The following ATP6V1A variants were observed in gnomAD, a reference collection of about 807,000 sequenced individuals.
The protein encoded by ATP6V1A is V-type proton ATPase catalytic subunit A.
Under a neutral mutation model 70.1 loss-of-function variants are expected in ATP6V1A, and 18 were observed. That is an observed-to-expected ratio of 0.26 (90% CI 0.18 to 0.38). The LOEUF is 0.38. Ranked by LOEUF, ATP6V1A falls within the 10% of genes least tolerant of loss-of-function variation. ATP6V1A has a pLI of 1.00. For synonymous variants in ATP6V1A, 232 were observed against 253.8 expected, an observed-to-expected ratio of 0.91 and a Z score of 0.82; for missense variants, 424 against 772.4, an observed-to-expected ratio of 0.55 and a Z score of 5.35.
At position 113,781,102 on chromosome 3, in the gene ATP6V1A, G is replaced by C. The variant is rs1708971917; in HGVS notation, c.135G>C (p.Val45=). Reference sequence around the variant, plus strand: ...CAGCCATGTATGAGCTGGTGAGAGTGGGCCACAGCGAATTGGTTGGAGAGA... The same window carrying C: ...CAGCCATGTATGAGCTGGTGAGAGTCGGCCACAGCGAATTGGTTGGAGAGA... The part of the protein sequence containing the change: ...AGAAMYELVR[V]GHSELVGEII... Residue 45 remains valine, a synonymous_variant, in exon 3 of 15, where the codon GTG becomes GTC. Coordinates refer to ENST00000273398, the MANE Select transcript of ATP6V1A (RefSeq NM_001690.4). The C allele has an allele frequency of 1.1e-5, 18 of 1,613,630 alleles. No individual in the cohort carries two copies. Among genetic ancestry groups the C allele is most frequent in the Non-Finnish European group, 1.4e-5 (17 of 1,179,732 alleles).
At chr3:113,766,741 A>G (rs1171234005) in intron 1 of ATP6V1A, among the ~76,000 whole-genome samples, 23 of 152,230 alleles carry the variant, frequency 1.5e-4, no homozygotes, top group Non-Finnish European at 4.4e-5. Context: ...CATTTAGTCC[A>G]TGACACATGG....
At chr3:113,799,801 C>G (rs1268039889) in intron 12 of ATP6V1A, among the ~76,000 whole-genome samples, 3 of 152,046 alleles carry the variant, frequency 2.0e-5, no homozygotes, top group Non-Finnish European at 1.5e-5. Flanking sequence ...TCAATAGCAA[C>G]AAAAACTAGA....
chr3:113,767,854 T>C (rs1468897712), intron 1 of ATP6V1A, among the ~76,000 whole-genome samples: 4 of 152,192 alleles, frequency 2.6e-5, no homozygotes, highest in Admixed American at 2.0e-4. Flanking sequence ...GGTTTCACCA[T>C]CTTGGCCAGG....
At chr3:113,748,245 C>G (rs1280793582) in intron 1 of ATP6V1A, among the ~76,000 whole-genome samples, 2 of 152,240 alleles carry the variant, frequency 1.3e-5, no homozygotes, top group East Asian at 1.9e-4. Flanking sequence ...CCAAGTACTC[C>G]CATTCCGTCC....
intron 1 of ATP6V1A, among the ~76,000 whole-genome samples, chr3:113,752,457 A>G (rs1312900647): frequency 6.6e-6 from 1 of 151,970 alleles, no homozygotes; most frequent in Non-Finnish European, 1.5e-5. Context: ...ATTTATTACT[A>G]TACCTTCTGT....
intron 1 of ATP6V1A, among the ~76,000 whole-genome samples, chr3:113,750,601 C>G (rs1050075875): frequency 2.0e-5 from 3 of 152,184 alleles, no homozygotes; most frequent in African/African-American, 7.2e-5. Flanking sequence ...AGTTCTGGCC[C>G]TACCACTTAA....
At chr3:113,762,967 C>A (rs182806344) in intron 1 of ATP6V1A, among the ~76,000 whole-genome samples, 3 of 152,262 alleles carry the variant, frequency 2.0e-5, no homozygotes, top group Admixed American at 2.0e-4. Flanking sequence ...GGCGTGGTTG[C>A]ATATTACCAA....
At position 113,803,526 on chromosome 3, in the gene ATP6V1A, C is replaced by T. The variant is rs1031444882; in HGVS notation, c.1495-57C>T. 5 of 1,267,706 alleles carry T rather than the reference C, an allele frequency of 3.9e-6. No homozygotes were observed. The African/African-American group carries it at 7.5e-5, about 19-fold the overall frequency. 78.5% of individuals were successfully genotyped at this position (1,267,706 alleles called of 1,614,324 possible). On this transcript the variant is annotated intron_variant, in intron 12 of 14. Coordinates refer to ENST00000273398, the MANE Select transcript of ATP6V1A (RefSeq NM_001690.4). The stretch of plus-strand genomic sequence containing the variant: ...ATAGTTTCTGCTTGTTAATTAATTG[C>T]CACCATCAATCTTACATTTTAGAGT...
At chr3:113,770,678 TA>T (rs892159433) in intron 1 of ATP6V1A, among the ~76,000 whole-genome samples, 2 of 147,494 alleles carry the variant, frequency 1.4e-5, no homozygotes, top group African/African-American at 2.5e-5. Flanking sequence ...GACTCTGTCT[TA>T]AAAAAAAAGA....
chr3:113,786,408 T>C, intron 6 of ATP6V1A, 25 bp downstream of exon 6: 4 of 1,611,074 alleles, frequency 2.5e-6, no homozygotes, highest in Non-Finnish European at 3.4e-6. Flanking sequence ...TGTCCCACGA[T>C]TTTCCCTCAG....
chr3:113,781,007 A>G (rs780412537), intron 2 of ATP6V1A, 43 bp from the exon 3 acceptor site: 1 of 1,560,178 alleles, frequency 6.4e-7, no homozygotes, highest in African/African-American at 1.4e-5. Flanking sequence ...TTCACAGAGC[A>G]CTAGAGTCTT....
chr3:113,796,858 C>A (rs930489424), intron 11 of ATP6V1A, among the ~76,000 whole-genome samples: 5 of 152,198 alleles, frequency 3.3e-5, no homozygotes, highest in Non-Finnish European at 7.3e-5. Context: ...TTTGCCCTTA[C>A]AAAAATCACT....
intron 1 of ATP6V1A, among the ~76,000 whole-genome samples, chr3:113,755,430 A>C (rs1708637334): frequency 7.0e-6 from 1 of 142,852 alleles, no homozygotes; most frequent in Non-Finnish European, 1.5e-5. Flanking sequence ...CCATGTCTGT[A>C]CAAAAAAAAA....
intron 1 of ATP6V1A, among the ~76,000 whole-genome samples, chr3:113,753,919 T>G: frequency 6.6e-6 from 1 of 151,824 alleles, no homozygotes; most frequent in Non-Finnish European, 1.5e-5. Flanking sequence ...CCATCATGTA[T>G]CTTAAGAAAA....
At chr3:113,764,708 A>G (rs1708749185) in intron 1 of ATP6V1A, among the ~76,000 whole-genome samples, 1 of 152,148 alleles carries the variant, frequency 6.6e-6, no homozygotes, top group Non-Finnish European at 1.5e-5. Context: ...TTTCCTAAAA[A>G]TTCAAATGTG....
intron 5 of ATP6V1A, among the ~76,000 whole-genome samples, chr3:113,785,798 A>T (rs1330946941): frequency 6.7e-6 from 1 of 150,016 alleles, no homozygotes; most frequent in East Asian, 2.0e-4. Context: ...CCTTTCAAGT[A>T]GCTGGGATTA....
intron 1 of ATP6V1A, among the ~76,000 whole-genome samples, chr3:113,772,475 C>T (rs534652114): frequency 6.6e-6 from 1 of 152,236 alleles, no homozygotes; most frequent in South Asian, 2.1e-4. Flanking sequence ...CGCCTGTAAT[C>T]CCAGCACTTT....
intron 1 of ATP6V1A, among the ~76,000 whole-genome samples, chr3:113,778,047 T>C (rs1371814113): frequency 6.6e-6 from 1 of 152,182 alleles, no homozygotes; most frequent in Non-Finnish European, 1.5e-5. Context: ...TATAATTCAG[T>C]TGTGATAAAA....
At chr3:113,794,280 G>T (rs943288186) in intron 8 of ATP6V1A, among the ~76,000 whole-genome samples, 13 of 152,168 alleles carry the variant, frequency 8.5e-5, no homozygotes, top group African/African-American at 3.1e-4. Context: ...ACATGTTTGT[G>T]TGTGTGTATG....
Sources: gnomAD v4.1 joint callset for allele counts (sites outside exome capture counted in the v4.1 genomes callset) on GRCh38, gnomAD v4.1.1 for gene constraint, MANE v1.5 for transcripts, NCBI Gene and HGNC (gene_info 2026-07-23, HGNC 2026-07-21) for gene names.